Variants in TYW1B observed in about 807,000 individuals in gnomAD.
TYW1B encodes the protein tRNA-yW synthesizing protein 1 homolog B, also known as S-adenosyl-L-methionine-dependent tRNA 4-demethylwyosine synthase TYW1B.
TYW1B carries 73 observed loss-of-function variants against 86.9 expected under a neutral mutation model. The ratio of observed to expected loss-of-function variants is 0.84; its 90% CI spans 0.70 to 1.02. The LOEUF is 1.02. Among genes scored for constraint, TYW1B ranks in the 50% least tolerant of loss-of-function variants. TYW1B has a pLI of 0.00. For synonymous variants in TYW1B, 248 were observed against 292.8 expected (o/e 0.85, Z 1.56); for missense variants, 637 against 827.4 (o/e 0.77, Z 2.82).
chr7:72,748,675 G>A (rs1489004895), intron 7 of TYW1B, among the ~76,000 whole-genome samples: 11 of 151,576 alleles, frequency 7.3e-5, no homozygotes, highest in Non-Finnish European at 1.0e-4. Flanking sequence ...TGCTTTTTCA[G>A]AATCAATTGA....
At chr7:72,684,395 C>T (rs375417602) in intron 11 of TYW1B, among the ~76,000 whole-genome samples, 14 of 152,080 alleles carry the variant, frequency 9.2e-5, no homozygotes, top group South Asian at 8.4e-4. Flanking sequence ...ACCCAGAAAC[C>T]ATGCAAGCAA....
intron 11 of TYW1B, among the ~76,000 whole-genome samples, chr7:72,651,946 C>T (rs1813069068): frequency 6.6e-6 from 1 of 152,156 alleles, no homozygotes; most frequent in African/African-American, 2.4e-5. Flanking sequence ...GAGATAGGGT[C>T]TTGCTCTGTG....
intron 6 of TYW1B, among the ~76,000 whole-genome samples, chr7:72,785,615 T>C (rs1247003201): frequency 6.6e-6 from 1 of 152,080 alleles, no homozygotes; most frequent in Non-Finnish European, 1.5e-5. Context: ...TTTGTCCAGA[T>C]ACACAAGCTG....
intron 13 of TYW1B, among the ~76,000 whole-genome samples, chr7:72,589,259 C>A (rs182316284): frequency 2.6e-5 from 4 of 152,162 alleles, no homozygotes; most frequent in Non-Finnish European, 5.9e-5. Context: ...TTACTGGTTG[C>A]TGAATTTATC....
chr7:72,757,474 G>T (rs1280588101), intron 7 of TYW1B, among the ~76,000 whole-genome samples: 2 of 151,678 alleles, frequency 1.3e-5, no homozygotes, highest in Non-Finnish European at 2.9e-5. Context: ...ATTTCAGACT[G>T]ACTACAAAAG....
At chr7:72,602,468 C>T (rs1646144330) in intron 13 of TYW1B, among the ~76,000 whole-genome samples, 1 of 152,152 alleles carries the variant, frequency 6.6e-6, no homozygotes, top group Admixed American at 6.5e-5. Context: ...ATGTATTTCT[C>T]TGCTTTGTCA....
At chr7:72,776,754 T>C (rs1279773259) in intron 7 of TYW1B, among the ~76,000 whole-genome samples, 1 of 151,482 alleles carries the variant, frequency 6.6e-6, no homozygotes, top group Non-Finnish European at 1.5e-5. Context: ...TAAATTTAAA[T>C]CTATAATGAA....
rs531124604 is a variant in TYW1B at position 72,672,891 on chromosome 7, G to A, written c.1506+21796C>T. Among the ~76,000 whole-genome samples, 22 of 152,298 alleles carry A rather than the reference G, an allele frequency of 1.4e-4. 1 individual carries two copies. The East Asian group carries it at 3.5e-3, about 24-fold the overall frequency. The stretch of plus-strand genomic sequence containing the variant: ...ATTTCAAAAGATCCATAAATAGGCC[G>A]GGCATGGTGGCTCATGCCTGTAATC... On this transcript the variant is annotated intron_variant, in intron 11 of 13. Transcript: ENST00000620995.
intron 11 of TYW1B, among the ~76,000 whole-genome samples, chr7:72,661,475 C>T (rs1316130091): frequency 6.7e-6 from 1 of 149,496 alleles, no homozygotes; most frequent in Non-Finnish European, 1.5e-5. Flanking sequence ...TTATAATTAT[C>T]ACGTGGATGC....
chr7:72,733,632 GCC>G (rs1554460365), intron 8 of TYW1B, among the ~76,000 whole-genome samples: 1 of 152,176 alleles, frequency 6.6e-6, no homozygotes, highest in Non-Finnish European at 1.5e-5. Context: ...TTGCACTCCA[GCC>G]TGGGGGACAG....
intron 11 of TYW1B, among the ~76,000 whole-genome samples, chr7:72,649,605 A>G (rs1554442502): frequency 6.6e-6 from 1 of 152,188 alleles, no homozygotes; most frequent in African/African-American, 2.4e-5. Flanking sequence ...ACAAATGAAT[A>G]GAAATAATTG....
chr7:72,703,150 G>A (rs539989399), intron 10 of TYW1B, among the ~76,000 whole-genome samples: 70 of 149,810 alleles, frequency 4.7e-4, no homozygotes, highest in African/African-American at 1.7e-3. Context: ...TCAGCCTCCC[G>A]AGTAGCTGGG....
intron 11 of TYW1B, among the ~76,000 whole-genome samples, chr7:72,662,418 T>TAGATAGATAG (rs1293459145): frequency 8.1e-4 from 40 of 49,364 alleles, no homozygotes; most frequent in Non-Finnish European, 9.8e-4. Flanking sequence ...AGGTTTTTAA[T>TAGATAGATAG]ATATATATAT....
intron 11 of TYW1B, among the ~76,000 whole-genome samples, chr7:72,663,355 T>G (rs1455569767): frequency 6.6e-6 from 1 of 152,188 alleles, no homozygotes; most frequent in Non-Finnish European, 1.5e-5. Flanking sequence ...AAAGCAATGG[T>G]TATTTTTTAA....
chr7:72,647,985 T>A (rs1812969123), intron 11 of TYW1B, among the ~76,000 whole-genome samples: 1 of 152,088 alleles, frequency 6.6e-6, no homozygotes, highest in African/African-American at 2.4e-5. Context: ...AACACCTGGC[T>A]GCAAGGAGTA....
chr7:72,821,755 G>A (rs1788831166), intron 2 of TYW1B, among the ~76,000 whole-genome samples: 1 of 152,086 alleles, frequency 6.6e-6, no homozygotes, highest in Non-Finnish European at 1.5e-5. Context: ...AAGGTGTTTT[G>A]GACCAAGCAA....
At chr7:72,621,297 T>C (rs568937111) in intron 12 of TYW1B, among the ~76,000 whole-genome samples, 3 of 152,336 alleles carry the variant, frequency 2.0e-5, no homozygotes, top group East Asian at 1.9e-4. Context: ...TCTTCATAAA[T>C]GATTTTTTTT....
chr7:72,661,795 C>T (rs1259983430), intron 11 of TYW1B, among the ~76,000 whole-genome samples: 1 of 152,018 alleles, frequency 6.6e-6, no homozygotes, highest in Non-Finnish European at 1.5e-5. Context: ...CAAACTGCAC[C>T]TCCACTAAGA....
chr7:72,697,031 TAAAAAAAAAAAAAAAAAA>T (rs781801843), intron 10 of TYW1B, among the ~76,000 whole-genome samples: 113,235 of 139,042 alleles, frequency 0.81, 44,962 homozygotes, highest in Middle Eastern at 0.86. Context: ...GATTTCTACT[TAAAAAAAAAAAAAAAAAA>T]AAAAAAAAAA....
Sources: gnomAD v4.1 joint callset for allele counts (sites outside exome capture counted in the v4.1 genomes callset) on GRCh38, gnomAD v4.1.1 for gene constraint, MANE v1.5 for transcripts, NCBI Gene and HGNC (gene_info 2026-07-23, HGNC 2026-07-21) for gene names.